SHC4: variants seen among roughly 807,000 people sequenced by gnomAD.
The protein encoded by SHC4 is SHC adaptor protein 4.
A neutral mutation model predicts 69.4 loss-of-function variants in SHC4; 41 were observed. That is an observed-to-expected ratio of 0.59 (90% confidence interval 0.46 to 0.77). SHC4 has a LOEUF of 0.77. SHC4 is among the 30% of genes least tolerant of loss of function. The pLI is 0.00. For synonymous variants in SHC4, 318 were observed against 299.3 expected (o/e 1.06, Z -0.64); for missense variants, 777 against 783.8 (o/e 0.99, Z 0.10).
intron 11 of SHC4, among the ~76,000 whole-genome samples, chr15:48,827,671 C>T (rs1400745642): frequency 6.6e-6 from 1 of 152,132 alleles, no homozygotes; most frequent in East Asian, 1.9e-4. Flanking sequence ...CTTTCAAGTA[C>T]AGAGATTGTA....
intron 3 of SHC4, among the ~76,000 whole-genome samples, chr15:48,888,340 G>A (rs1227602846): frequency 6.6e-6 from 1 of 152,144 alleles, no homozygotes; most frequent in Non-Finnish European, 1.5e-5. Flanking sequence ...AGGACATTAT[G>A]CTAAGTGAAT....
chr15:48,846,810 G>A (rs574834714), intron 9 of SHC4, among the ~76,000 whole-genome samples: 10 of 152,114 alleles, frequency 6.6e-5, no homozygotes, highest in South Asian at 2.1e-4. Flanking sequence ...ACCCCACCAC[G>A]TTTTGAAGAC....
At chr15:48,842,964 G>A (rs897034024) in intron 10 of SHC4, among the ~76,000 whole-genome samples, 1 of 152,034 alleles carries the variant, frequency 6.6e-6, no homozygotes, top group South Asian at 2.1e-4. Context: ...ATAAATTCAA[G>A]CCCTAATCCC....
At chr15:48,939,666 C>G (rs1382857536) in intron 1 of SHC4, among the ~76,000 whole-genome samples, 1 of 152,290 alleles carries the variant, frequency 6.6e-6, no homozygotes, top group African/African-American at 2.4e-5. Context: ...TTCAGGCCAC[C>G]CTCGCTTAGA....
At position 48,856,221 on chromosome 15, in the gene SHC4, C is replaced by T. The variant is rs1249949541; in HGVS notation, c.1071-97G>A. The stretch of plus-strand genomic sequence containing the variant: ...GAACCAAGCAAATCATCCTGAAAAA[C>T]TTTGCATTCATGTTTTCAGTTTATA... On this transcript the variant is annotated intron_variant, in intron 7 of 11. Transcript: ENST00000332408. 4 of 1,205,158 alleles carry T rather than the reference C, an allele frequency of 3.3e-6. No homozygotes were observed. In the African/African-American group the frequency reaches 4.6e-5, roughly 14 times the overall value. 74.7% of individuals were successfully genotyped at this position (1,205,158 alleles called of 1,614,324 possible).
chr15:48,932,059 G>A (rs1900976222), intron 1 of SHC4, among the ~76,000 whole-genome samples: 1 of 152,002 alleles, frequency 6.6e-6, no homozygotes, highest in Non-Finnish European at 1.5e-5. Flanking sequence ...TTCTACTGTT[G>A]ACTTTAGAAT....
chr15:48,851,721 A>G (rs754158943), intron 8 of SHC4, among the ~76,000 whole-genome samples: 70 of 152,190 alleles, frequency 4.6e-4, no homozygotes, highest in Non-Finnish European at 7.3e-4. Flanking sequence ...ATCCCTGTAC[A>G]TACAACTCTC....
At chr15:48,852,992 A>C (rs1375188199) in intron 8 of SHC4, among the ~76,000 whole-genome samples, 1 of 151,300 alleles carries the variant, frequency 6.6e-6, no homozygotes, top group Non-Finnish European at 1.5e-5. Flanking sequence ...GTCTTAGAGC[A>C]ATCAGGCAAG....
At chr15:48,852,153 TAG>T (rs922838482) in intron 8 of SHC4, among the ~76,000 whole-genome samples, 1 of 151,982 alleles carries the variant, frequency 6.6e-6, no homozygotes, top group African/African-American at 2.4e-5. Flanking sequence ...GCATTACAGC[TAG>T]AGAGATACAT....
At chr15:48,907,236 T>A (rs978979766) in intron 2 of SHC4, among the ~76,000 whole-genome samples, 2 of 151,516 alleles carry the variant, frequency 1.3e-5, no homozygotes, top group African/African-American at 4.9e-5. Flanking sequence ...CTTTTCCTTT[T>A]TTTTTCGAGA....
chr15:48,885,617 C>T (rs1037705433), intron 3 of SHC4, among the ~76,000 whole-genome samples: 4 of 152,178 alleles, frequency 2.6e-5, no homozygotes, highest in Non-Finnish European at 4.4e-5. Flanking sequence ...TCAATGAAAA[C>T]ACAATTTGTT....
At chr15:48,944,807 T>G (rs1006150675) in intron 1 of SHC4, among the ~76,000 whole-genome samples, 1 of 152,206 alleles carries the variant, frequency 6.6e-6, no homozygotes, top group African/African-American at 2.4e-5. Context: ...TCGAATCAGT[T>G]CAGCAGCTCT....
chr15:48,949,269 G>A (rs1204131050), intron 1 of SHC4, among the ~76,000 whole-genome samples: 1 of 151,810 alleles, frequency 6.6e-6, no homozygotes, highest in Non-Finnish European at 1.5e-5. Flanking sequence ...TACTTGGGAG[G>A]CTGAGGCAGG....
chr15:48,830,684 G>T (rs1307030891), intron 11 of SHC4, among the ~76,000 whole-genome samples: 2 of 152,118 alleles, frequency 1.3e-5, no homozygotes, highest in African/African-American at 4.8e-5. Flanking sequence ...TTCTTGAAAA[G>T]ACTAAAAACA....
chr15:48,831,437 A>T (rs1002487264), intron 11 of SHC4, among the ~76,000 whole-genome samples: 2 of 152,158 alleles, frequency 1.3e-5, no homozygotes, highest in Non-Finnish European at 2.9e-5. Context: ...GTACCATTTC[A>T]AATCTTTTAT....
At chr15:48,860,957 A>T (rs570957314) in intron 6 of SHC4, among the ~76,000 whole-genome samples, 8 of 151,270 alleles carry the variant, frequency 5.3e-5, no homozygotes, top group African/African-American at 1.9e-4. Context: ...CACAGAAATG[A>T]ATGAATCAAT....
Position 48,843,374 on chromosome 15 carries a change from TA to T in SHC4, c.1483+34del, listed in dbSNP as rs1484409232. 7.1e-6 allele frequency: 11 copies of T among 1,556,356 alleles called. 1 individual carries two copies. The African/African-American group carries it at 1.5e-4, about 21-fold the overall frequency. ...TTGTGGTAATTTGTTAAAACAGCCC[TA>T]AGAAATGAATACAGACAGTGAGTAG... On this transcript the variant is annotated intron_variant, in intron 10 of 11. Coordinates refer to ENST00000332408, the MANE Select transcript of SHC4 (RefSeq NM_203349.4).
At chr15:48,888,320 A>G (rs1900073344) in intron 3 of SHC4, among the ~76,000 whole-genome samples, 1 of 152,198 alleles carries the variant, frequency 6.6e-6, no homozygotes, top group African/African-American at 2.4e-5. Context: ...TATGACATGG[A>G]TGAACCTTGA....
chr15:48,958,721 TG>T (rs1423166694), intron 1 of SHC4, among the ~76,000 whole-genome samples: 1 of 152,190 alleles, frequency 6.6e-6, no homozygotes, highest in Non-Finnish European at 1.5e-5. Context: ...CCCACTATGT[TG>T]GGCACCTGGG....
Sources: allele counts gnomAD v4.1 joint callset (sites outside exome capture counted in the v4.1 genomes callset), GRCh38; gene constraint gnomAD v4.1.1; transcripts MANE v1.5; gene names NCBI Gene and HGNC (gene_info 2026-07-23, HGNC 2026-07-21).